Variants in EPHA6 observed in about 807,000 individuals in gnomAD.
The protein encoded by EPHA6 is EPH receptor A6.
A neutral mutation model predicts 112.0 loss-of-function variants in EPHA6; 50 were observed. The ratio of observed to expected loss-of-function variants is 0.45; its 90% CI spans 0.36 to 0.56. EPHA6 has a LOEUF of 0.56. Among genes scored for constraint, EPHA6 ranks in the 20% least tolerant of loss-of-function variants. The pLI is 0.00. For synonymous variants in EPHA6, 529 were observed against 490.7 expected (o/e 1.08, Z -1.03); for missense variants, 1,280 against 1,417.4 (o/e 0.90, Z 1.56).
At chr3:97,270,342 G>A (rs1274413543) in intron 5 of EPHA6, among the ~76,000 whole-genome samples, 1 of 151,830 alleles carries the variant, frequency 6.6e-6, no homozygotes, top group Non-Finnish European at 1.5e-5. Flanking sequence ...TCTCCTTCAG[G>A]GTATTGCTTT....
intron 11 of EPHA6, chr3:97,572,681 T>A (rs769735158): frequency 1.3e-5 from 2 of 152,172 alleles, no homozygotes; most frequent in African/African-American, 2.4e-5. Context: ...TTAGGACTCC[T>A]CTGTGCTGTC....
chr3:97,181,124 G>T (rs955696106), intron 3 of EPHA6, among the ~76,000 whole-genome samples: 2 of 152,014 alleles, frequency 1.3e-5, no homozygotes, highest in East Asian at 1.9e-4. Context: ...GGTGCGTTTG[G>T]TCTGGTTTTC....
chr3:97,391,255 A>G, intron 5 of EPHA6, among the ~76,000 whole-genome samples: 1 of 152,002 alleles, frequency 6.6e-6, no homozygotes, highest in East Asian at 1.9e-4. Context: ...AGAGGGCATG[A>G]CAATTGTCTG....
At chr3:96,952,934 T>A (rs1424998449) in intron 2 of EPHA6, among the ~76,000 whole-genome samples, 4 of 152,104 alleles carry the variant, frequency 2.6e-5, no homozygotes, top group Admixed American at 1.3e-4. Flanking sequence ...ACCTGGGTGA[T>A]GAAATAATCT....
rs144780892 is a variant in EPHA6, at chr3:97,276,918, G to C, written c.1606+32631G>C. 5.8e-3 allele frequency among the ~76,000 whole-genome samples: 881 copies of C among 152,318 alleles called. 4 individuals are homozygous for C. Among genetic ancestry groups the C allele is most frequent in the African/African-American group, 0.019 (781 of 41,572 alleles). ...TTGCTGGGCAGGTGGGGGAGGGCTA[G>C]TCGTGGAACGAAACTGTAAGCCGGA... On this transcript the variant is annotated intron_variant, in intron 5 of 17. Transcript: ENST00000389672.
chr3:97,104,224 C>T (rs1237383623), intron 3 of EPHA6, among the ~76,000 whole-genome samples: 2 of 151,964 alleles, frequency 1.3e-5, no homozygotes, highest in East Asian at 3.9e-4. Flanking sequence ...TGTCTTACGC[C>T]CTTTTCAAAT....
Position 97,563,219 on chromosome 3 carries a change from G to A in EPHA6, c.2387-29393G>A, listed in dbSNP as rs191650405. On this transcript the variant is annotated intron_variant, in intron 11 of 17. Transcript: ENST00000389672. The stretch of plus-strand genomic sequence containing the variant: ...AGTATAAAGTTATGTTGAAGGTGAG[G>A]GCTGGAGACTATTTGAAGTCGGATG... 2.6e-3 allele frequency among the ~76,000 whole-genome samples: 394 copies of A among 152,256 alleles called. 1 individual carries two copies. Among genetic ancestry groups the A allele is most frequent in the African/African-American group, 8.9e-3 (368 of 41,548 alleles).
intron 14 of EPHA6, among the ~76,000 whole-genome samples, chr3:97,681,873 A>G (rs2107683646): frequency 6.6e-6 from 1 of 152,256 alleles, no homozygotes; most frequent in South Asian, 2.1e-4. Context: ...AGGGGAGCTA[A>G]CATGTTTTAC....
intron 3 of EPHA6, among the ~76,000 whole-genome samples, chr3:97,219,279 G>A (rs894409069): frequency 6.6e-6 from 1 of 152,108 alleles, no homozygotes; most frequent in South Asian, 2.1e-4. Context: ...TCTGTGTTGG[G>A]GCTTAAACCC....
chr3:97,365,370 T>C (rs2084656034), intron 5 of EPHA6, among the ~76,000 whole-genome samples: 1 of 152,042 alleles, frequency 6.6e-6, no homozygotes, highest in African/African-American at 2.4e-5. Flanking sequence ...ATGTTTAAAA[T>C]ATTATGACAG....
intron 5 of EPHA6, among the ~76,000 whole-genome samples, chr3:97,273,389 T>A (rs1419052746): frequency 1.3e-5 from 2 of 152,080 alleles, no homozygotes; most frequent in East Asian, 3.9e-4. Context: ...GAATGGTGAA[T>A]AGGTGTATGA....
At chr3:97,066,667 A>T (rs534483553) in intron 3 of EPHA6, among the ~76,000 whole-genome samples, 1 of 152,284 alleles carries the variant, frequency 6.6e-6, no homozygotes, top group South Asian at 2.1e-4. Flanking sequence ...AAGCAGCCTC[A>T]CTGGAGTCTT....
Position 97,317,005 on chromosome 3 carries a change from TACTA to T in EPHA6, c.1606+72722_1606+72725del, listed in dbSNP as rs2081874010. Among the ~76,000 whole-genome samples, 7 of 152,016 alleles carry T rather than the reference TACTA, an allele frequency of 4.6e-5. No individual in the cohort carries two copies. In the South Asian group the frequency reaches 1.2e-3, roughly 27 times the overall value. ...TTTAAAAAGATAATATTTACCTATG[TACTA>T]ACTCTTTGACTCAATATGCTTTTAA... is the stretch of plus-strand genomic sequence containing the variant. On this transcript the variant is annotated intron_variant, in intron 5 of 17. Transcript: ENST00000389672.
At chr3:97,315,338 T>A (rs1302127462) in intron 5 of EPHA6, among the ~76,000 whole-genome samples, 1 of 151,694 alleles carries the variant, frequency 6.6e-6, no homozygotes, top group Non-Finnish European at 1.5e-5. Context: ...ATATGCCTGT[T>A]GAATTTAATT....
intron 3 of EPHA6, among the ~76,000 whole-genome samples, chr3:97,092,820 T>C (rs568655964): frequency 6.6e-5 from 10 of 151,822 alleles, no homozygotes; most frequent in Admixed American, 5.3e-4. Context: ...TCACTATTTA[T>C]TGGCTGTTTT....
At chr3:97,494,313 T>A (rs1449891207) in intron 10 of EPHA6, among the ~76,000 whole-genome samples, 2 of 152,178 alleles carry the variant, frequency 1.3e-5, no homozygotes, top group African/African-American at 4.8e-5. Context: ...CTATCTCTGG[T>A]TAGAATCTTA....
chr3:97,517,388 G>T (rs147708089), intron 10 of EPHA6, among the ~76,000 whole-genome samples: 2 of 152,156 alleles, frequency 1.3e-5, no homozygotes, highest in South Asian at 2.1e-4. Flanking sequence ...GCAGGGGTTT[G>T]CTCTAGATTG....
chr3:97,688,514 G>A (rs2032417424), intron 14 of EPHA6, among the ~76,000 whole-genome samples: 1 of 139,766 alleles, frequency 7.2e-6, no homozygotes, highest in Non-Finnish European at 1.5e-5. Context: ...TCATAGGTGG[G>A]AACTGAACAA....
At chr3:97,723,050 A>G (rs2034603229) in intron 15 of EPHA6, among the ~76,000 whole-genome samples, 1 of 152,214 alleles carries the variant, frequency 6.6e-6, no homozygotes, top group South Asian at 2.1e-4. Context: ...ATGATTTTAT[A>G]ATCTCTGAAG....
Sources: gnomAD v4.1 joint callset for allele counts (sites outside exome capture counted in the v4.1 genomes callset) on GRCh38, gnomAD v4.1.1 for gene constraint, MANE v1.5 for transcripts, NCBI Gene and HGNC (gene_info 2026-07-23, HGNC 2026-07-21) for gene names.